Variants in KIFAP3 observed in about 807,000 individuals in gnomAD.
The protein encoded by KIFAP3 is kinesin-associated protein 3.
KIFAP3 carries 68 observed loss-of-function variants against 106.5 expected under a neutral mutation model. The ratio of observed to expected loss-of-function variants is 0.64; its 90% CI spans 0.53 to 0.78. The LOEUF is 0.78. Ranked by LOEUF, KIFAP3 falls within the 30% of genes least tolerant of loss-of-function variation. The pLI, the probability that KIFAP3 is intolerant of heterozygous loss-of-function variation, is 0.00. For synonymous variants in KIFAP3, 320 were observed against 311.5 expected (o/e 1.03, Z -0.29); for missense variants, 780 against 941.8 (o/e 0.83, Z 2.25).
At chr1:170,028,914 G>A (rs774436232) in intron 8 of KIFAP3, among the ~76,000 whole-genome samples, 43 of 151,818 alleles carry the variant, frequency 2.8e-4, no homozygotes, top group Non-Finnish European at 4.0e-4. Context: ...TCTCAAATAC[G>A]TAAGAAGGCA....
At chr1:170,052,356 C>T (rs886998021) in intron 2 of KIFAP3, among the ~76,000 whole-genome samples, 13 of 151,878 alleles carry the variant, frequency 8.6e-5, no homozygotes, top group Admixed American at 7.9e-4. Flanking sequence ...AGCTTACCAA[C>T]CAAAAAAAGA....
At chr1:170,044,438 A>G (rs949222930) in intron 3 of KIFAP3, among the ~76,000 whole-genome samples, 1 of 152,220 alleles carries the variant, frequency 6.6e-6, no homozygotes, top group Non-Finnish European at 1.5e-5. Context: ...CTGTGAGCAC[A>G]TCCCAGTGAT....
At chr1:169,940,322 G>T (rs1174109864) in intron 19 of KIFAP3, among the ~76,000 whole-genome samples, 1 of 152,140 alleles carries the variant, frequency 6.6e-6, no homozygotes, top group Non-Finnish European at 1.5e-5. Flanking sequence ...TTCATAAACT[G>T]CCTGGAACTC....
At chr1:169,927,084 A>G (rs1353958717) in intron 19 of KIFAP3, among the ~76,000 whole-genome samples, 4 of 152,234 alleles carry the variant, frequency 2.6e-5, no homozygotes, top group Non-Finnish European at 5.9e-5. Context: ...TTAATTGATC[A>G]TCAGGGTAAT....
At chr1:169,923,990 C>CT (rs1229771577) in intron 19 of KIFAP3, among the ~76,000 whole-genome samples, 6 of 19,650 alleles carry the variant, frequency 3.1e-4, no homozygotes, top group African/African-American at 2.6e-3. Context: ...AAATTCTCCC[C>CT]CTTTTTTTTA....
In KIFAP3 at chr1:170,055,342, C is replaced by A. The variant is rs750859110; in HGVS notation, c.127G>T (p.Asp43Tyr). ...VEATILGEMG[D>Y]PMLGERKECQ... ...TCTTTTCGTTCTCCCAACATGGGGT[C>A]CCCCATTTCTCCAAGAATGGTAGCT... Residue 43 changes from aspartate (D) to tyrosine (Y), a missense_variant, in exon 2 of 20, where the codon GAC (aspartate) becomes TAC (tyrosine). Asp to Tyr is a radical substitution (Grantham distance 160). Coordinates refer to ENST00000361580, the MANE Select transcript of KIFAP3 (RefSeq NM_014970.4). The A allele has an allele frequency of 9.3e-6, 15 of 1,608,442 alleles. No individual in the cohort carries two copies. Among genetic ancestry groups the A allele is most frequent in the Non-Finnish European group, 1.3e-5 (15 of 1,178,410 alleles).
chr1:170,021,081 G>GATA (rs1275310303), intron 9 of KIFAP3, among the ~76,000 whole-genome samples: 1 of 152,036 alleles, frequency 6.6e-6, no homozygotes, highest in Non-Finnish European at 1.5e-5. Flanking sequence ...ACATATAACT[G>GATA]ATAAACAACT....
rs944419087 is a variant in KIFAP3, at chr1:169,963,655, G to A, written c.1984-2420C>T. Reference sequence around the variant, plus strand: ...TTACAGGTGCCTGCCACCACCACCTGGCTAATTTTTGTATTTTTGGTAGAG... The same window carrying A: ...TTACAGGTGCCTGCCACCACCACCTAGCTAATTTTTGTATTTTTGGTAGAG... On this transcript the variant is annotated intron_variant, in intron 17 of 19. Coordinates refer to ENST00000361580, the MANE Select transcript of KIFAP3 (RefSeq NM_014970.4). 5.3e-5 allele frequency among the ~76,000 whole-genome samples: 8 copies of A among 151,888 alleles called. No homozygotes were observed. In the East Asian group the frequency reaches 5.8e-4, roughly 11 times the overall value.
chr1:169,977,733 G>A (rs142622700), intron 16 of KIFAP3, among the ~76,000 whole-genome samples: 3,237 of 152,144 alleles, frequency 0.021, 101 homozygotes, highest in African/African-American at 0.062. Context: ...CATGGAAATA[G>A]ATGTGGTTTC....
chr1:169,942,919 C>CCG, intron 19 of KIFAP3, among the ~76,000 whole-genome samples: 2 of 110,668 alleles, frequency 1.8e-5, no homozygotes, highest in South Asian at 7.2e-4. Context: ...CGCCCCCCCC[C>CCG]ACCCCTTTAA....
At chr1:170,070,668 C>T (rs766655637) in intron 1 of KIFAP3, among the ~76,000 whole-genome samples, 33 of 152,054 alleles carry the variant, frequency 2.2e-4, no homozygotes, top group Admixed American at 3.3e-4. Flanking sequence ...ATAACTAACT[C>T]GAGATGGATC....
chr1:170,003,896 A>G (rs1437822833), intron 10 of KIFAP3, among the ~76,000 whole-genome samples: 2 of 152,204 alleles, frequency 1.3e-5, no homozygotes, highest in Non-Finnish European at 2.9e-5. Context: ...AGGGCATTCA[A>G]TTAGGAAAAG....
At chr1:170,030,979 AAG>A (rs1261380748) in intron 8 of KIFAP3, among the ~76,000 whole-genome samples, 1 of 151,310 alleles carries the variant, frequency 6.6e-6, no homozygotes, top group African/African-American at 2.4e-5. Flanking sequence ...TAAAGCTGTT[AAG>A]AGAGTATACA....
intron 19 of KIFAP3, among the ~76,000 whole-genome samples, chr1:169,928,050 C>A (rs1663240681): frequency 6.6e-6 from 1 of 151,906 alleles, no homozygotes; most frequent in Non-Finnish European, 1.5e-5. Flanking sequence ...GGGGTACTGG[C>A]AGAAATAACA....
At chr1:170,051,027 A>G (rs1393661609) in intron 2 of KIFAP3, among the ~76,000 whole-genome samples, 1 of 151,942 alleles carries the variant, frequency 6.6e-6, no homozygotes, top group Non-Finnish European at 1.5e-5. Flanking sequence ...AAATGCCTCA[A>G]TTGAAAGACA....
chr1:170,071,276 T>C (rs1355837057), intron 1 of KIFAP3, among the ~76,000 whole-genome samples: 1 of 152,120 alleles, frequency 6.6e-6, no homozygotes, highest in Non-Finnish European at 1.5e-5. Flanking sequence ...AACAAAAACT[T>C]GTACAGTAAT....
intron 7 of KIFAP3, among the ~76,000 whole-genome samples, chr1:170,033,358 A>T (rs555110294): frequency 6.6e-6 from 1 of 151,920 alleles, no homozygotes; most frequent in East Asian, 1.9e-4. Flanking sequence ...GCCAAAATTA[A>T]TATAAAAGTA....
At chr1:170,068,749 T>C (rs1671566336) in intron 1 of KIFAP3, 1 of 150,842 alleles carries the variant, frequency 6.6e-6, no homozygotes, top group Non-Finnish European at 1.5e-5. Flanking sequence ...CTCAAACAGA[T>C]CCACAATAAG....
chr1:170,044,364 T>C (rs565054019), intron 3 of KIFAP3, among the ~76,000 whole-genome samples: 60 of 152,194 alleles, frequency 3.9e-4, no homozygotes, highest in Admixed American at 2.9e-3. Context: ...GAATACAGAA[T>C]AGAAGCTGGA....
Sources: gnomAD v4.1 joint callset for allele counts (sites outside exome capture counted in the v4.1 genomes callset) on GRCh38, gnomAD v4.1.1 for gene constraint, MANE v1.5 for transcripts, NCBI Gene and HGNC (gene_info 2026-07-23, HGNC 2026-07-21) for gene names.